ST8SIA5: variants seen among roughly 807,000 people sequenced by gnomAD.
The protein encoded by ST8SIA5 is ST8 alpha-N-acetyl-neuraminide alpha-2,8-sialyltransferase 5.
ST8SIA5 carries 24 observed loss-of-function variants against 40.2 expected under a neutral mutation model. The ratio of observed to expected loss-of-function variants is 0.60; its 90% confidence interval spans 0.43 to 0.84. The LOEUF (loss-of-function observed/expected upper bound fraction) is 0.84, where lower values mean the gene tolerates loss of function less well. ST8SIA5 is among the 40% of genes least tolerant of loss of function. ST8SIA5 has a pLI of 0.00. For synonymous variants in ST8SIA5, 198 were observed against 201.8 expected (o/e 0.98, Z 0.16); for missense variants, 465 against 498.5 (o/e 0.93, Z 0.64).
chr18:46,685,933 G>C, intron 5 of ST8SIA5: 1 of 533,666 alleles, frequency 1.9e-6, no homozygotes, highest in Non-Finnish European at 3.4e-6. Context: ...TCAAATCTGT[G>C]ATGTCCTTTG....
intron 3 of ST8SIA5, among the ~76,000 whole-genome samples, chr18:46,690,779 A>G (rs662191): frequency 1.3e-5 from 2 of 151,832 alleles, no homozygotes; most frequent in Non-Finnish European, 2.9e-5. Flanking sequence ...ACACCTGGCT[A>G]ATTTCTTTGC....
chr18:46,680,390 G>A lies in ST8SIA5; in HGVS notation c.783C>T (p.Val261=). The A allele has an allele frequency of 6.2e-7, 1 of 1,613,914 alleles. No homozygotes were observed. Among genetic ancestry groups the A allele is most frequent in the South Asian group, 1.1e-5 (1 of 91,042 alleles). Residue 261 remains valine (V), a synonymous_variant, in exon 7 of 7, where the codon GTC becomes GTT. Transcript: ENST00000315087. The stretch of plus-strand genomic sequence containing the variant: ...ATTCGAAGTCGTCCAGCACGTACTT[G>A]ACGCGGATGGACACGTCGGTGTTGC... ...NTRNTDVSIR[V]KYVLDDFESP... is the part of the protein sequence containing the mutation.
intron 1 of ST8SIA5, among the ~76,000 whole-genome samples, chr18:46,727,283 C>G (rs1343211301): frequency 6.6e-6 from 1 of 152,206 alleles, no homozygotes; most frequent in East Asian, 1.9e-4. Flanking sequence ...GGAGGCTCAG[C>G]TTTTCTCTGT....
intron 1 of ST8SIA5, among the ~76,000 whole-genome samples, chr18:46,731,079 G>C (rs551639575): frequency 4.7e-4 from 71 of 152,334 alleles, no homozygotes; most frequent in African/African-American, 1.7e-3. Context: ...TGTCAACTAC[G>C]TGAGCGCTAG....
intron 2 of ST8SIA5, among the ~76,000 whole-genome samples, chr18:46,697,053 C>T (rs1302272118): frequency 6.7e-6 from 1 of 149,352 alleles, no homozygotes; most frequent in Non-Finnish European, 1.5e-5. Flanking sequence ...CCACCAAAAA[C>T]CATGGCAGCC....
intron 6 of ST8SIA5, 46 bp downstream of exon 6, chr18:46,681,926 T>G (rs1599096967): frequency 6.3e-7 from 1 of 1,594,456 alleles, no homozygotes; most frequent in East Asian, 2.2e-5. Flanking sequence ...ATGTGACTAT[T>G]GGCTACCATT....
At chr18:46,717,238 C>G (rs1299486937) in intron 1 of ST8SIA5, among the ~76,000 whole-genome samples, 1 of 152,216 alleles carries the variant, frequency 6.6e-6, no homozygotes, top group Non-Finnish European at 1.5e-5. Flanking sequence ...ACCCTCTATC[C>G]TCCTCTGCCT....
chr18:46,675,490 G>A lies in ST8SIA5; in HGVS notation c.*4552C>T, dbSNP rs2039333952. On this transcript the variant is annotated 3_prime_UTR_variant, in exon 7 of 7. Transcript: ENST00000315087. ...AGGTCTGAGATGCTGTGCAGACACA[G>A]ACATGCAGGAGGCCACAGTGAGCAT... 1 of 152,226 alleles carries A rather than the reference G, an allele frequency of 6.6e-6. No homozygotes were observed. The highest frequency in any genetic ancestry group is 6.5e-5 in the Admixed American group (1 of 15,286). The allele number at this position is 152,226 out of a possible 1,614,324, so 9.4% of individuals were successfully genotyped here.
rs892367700 is a variant in ST8SIA5, at chr18:46,670,959, T to C, written c.*9083A>G. 2 of 152,224 alleles carry C rather than the reference T, an allele frequency of 1.3e-5. No homozygotes were observed. The highest frequency in any genetic ancestry group is 2.4e-5 in the African/African-American group (1 of 41,452). The allele number at this position is 152,224 out of a possible 1,614,324, so 9.4% of individuals were successfully genotyped here. A position where few individuals can be genotyped will look rare whatever the true frequency, so the allele number is the denominator to read the frequency against. On this transcript the variant is annotated 3_prime_UTR_variant, in exon 7 of 7. Transcript: ENST00000315087. The stretch of plus-strand genomic sequence containing the variant: ...AAATCAAAGCAAATGCCGTGAGATA[T>C]GTGATATTAGCAAAATGGTTGGCCC...
intron 1 of ST8SIA5, among the ~76,000 whole-genome samples, chr18:46,724,732 G>A (rs1240938019): frequency 6.6e-6 from 1 of 152,114 alleles, no homozygotes; most frequent in East Asian, 1.9e-4. Flanking sequence ...CCAGAATTTT[G>A]GGAAACCGAG....
intron 2 of ST8SIA5, among the ~76,000 whole-genome samples, chr18:46,693,805 T>A (rs1012649700): frequency 1.3e-5 from 2 of 152,182 alleles, no homozygotes; most frequent in African/African-American, 4.8e-5. Flanking sequence ...TCTTATCAGT[T>A]TCTCCCCTCT....
intron 1 of ST8SIA5, among the ~76,000 whole-genome samples, chr18:46,722,785 C>G (rs2039876267): frequency 6.6e-6 from 1 of 152,154 alleles, no homozygotes. Flanking sequence ...CAAAATTGCC[C>G]CAGTTGAGAA....
Position 46,756,377 on chromosome 18 carries a change from C to T in ST8SIA5, c.131+1G>A. 1.2e-6 allele frequency: 2 copies of T among 1,611,844 alleles called. No individual in the cohort carries two copies. The highest frequency in any genetic ancestry group is 1.7e-6 in the Non-Finnish European group (2 of 1,178,614). ...CCCGCCCTCTCAATGGACTTTCTTACCTCTTAATGTAGTTCCTGCCATACA... is the reference window on the plus strand; with the variant it reads ...CCCGCCCTCTCAATGGACTTTCTTATCTCTTAATGTAGTTCCTGCCATACA... On this transcript the variant is annotated splice_donor_variant, in intron 1 of 6. Coordinates refer to ENST00000315087, the MANE Select transcript of ST8SIA5 (RefSeq NM_013305.6). LOFTEE classifies it high-confidence loss of function.
At chr18:46,693,856 A>G (rs1478345722) in intron 2 of ST8SIA5, among the ~76,000 whole-genome samples, 2 of 152,136 alleles carry the variant, frequency 1.3e-5, no homozygotes, top group African/African-American at 4.8e-5. Flanking sequence ...CACATTCCCA[A>G]GCTCTCTCTG....
chr18:46,681,078 C>G (rs1011808392), intron 6 of ST8SIA5, among the ~76,000 whole-genome samples: 5 of 152,154 alleles, frequency 3.3e-5, no homozygotes, highest in African/African-American at 7.2e-5. Flanking sequence ...CTCAAGCAAT[C>G]CCCCCACCTT....
At chr18:46,740,100 G>A (rs1001382138) in intron 1 of ST8SIA5, among the ~76,000 whole-genome samples, 4 of 152,070 alleles carry the variant, frequency 2.6e-5, no homozygotes, top group African/African-American at 9.7e-5. Context: ...ACTTTCCAGG[G>A]AATCCAATCT....
chr18:46,707,084 G>T (rs1448714868), intron 1 of ST8SIA5, among the ~76,000 whole-genome samples: 1 of 152,142 alleles, frequency 6.6e-6, no homozygotes, highest in African/African-American at 2.4e-5. Context: ...CCATGACCTT[G>T]GCTCTAACTC....
At chr18:46,725,997 A>ATC (rs2039922417) in intron 1 of ST8SIA5, among the ~76,000 whole-genome samples, 1 of 67,328 alleles carries the variant, frequency 1.5e-5, no homozygotes, top group South Asian at 6.1e-4. Context: ...ATATATATAT[A>ATC]TATATATATA....
At chr18:46,747,691 T>C (rs1274377796) in intron 1 of ST8SIA5, among the ~76,000 whole-genome samples, 2 of 152,156 alleles carry the variant, frequency 1.3e-5, no homozygotes, top group African/African-American at 4.8e-5. Flanking sequence ...GAACTAGAAA[T>C]ACCATTTGAC....
Sources: allele counts gnomAD v4.1 joint callset (sites outside exome capture counted in the v4.1 genomes callset), GRCh38; gene constraint gnomAD v4.1.1; transcripts MANE v1.5; gene names NCBI Gene and HGNC (gene_info 2026-07-23, HGNC 2026-07-21).